The following GPHN variants were observed in gnomAD, a reference collection of about 807,000 sequenced individuals.
GPHN encodes gephyrin.
In GPHN, 17 loss-of-function variants were observed where a neutral mutation model predicts 95.5. The observed-to-expected ratio is 0.18, with a 90% CI of 0.12 to 0.27. The LOEUF is 0.27. Among genes scored for constraint, GPHN ranks in the 10% least tolerant of loss-of-function variants. The pLI, the probability that GPHN is intolerant of heterozygous loss-of-function variation, is 1.00. For missense variants in GPHN, 660 were observed against 978.1 expected (o/e 0.67, Z 4.34); for synonymous variants, 320 against 322.5 (o/e 0.99, Z 0.08).
chr14:67,631,430 C>CTTTTTTTTTTTTTT, the GPHN span, among the ~76,000 whole-genome samples: 1 of 128,490 alleles, frequency 7.8e-6, no homozygotes, highest in Non-Finnish European at 1.6e-5. Flanking sequence ...TCCTTTCTTT[C>CTTTTTTTTTTTTTT]TTTCTTTTTT....
chr14:67,725,745 T>C, the GPHN span, among the ~76,000 whole-genome samples: 2 of 152,202 alleles, frequency 1.3e-5, no homozygotes, highest in Non-Finnish European at 2.9e-5. Context: ...CGGTAGTTAG[T>C]ACACATTTGC....
chr14:67,163,911 C>A (rs2082109860), intron 19 of GPHN, among the ~76,000 whole-genome samples: 1 of 152,008 alleles, frequency 6.6e-6, no homozygotes, highest in Non-Finnish European at 1.5e-5. Context: ...TTCCACCCCA[C>A]CTCCTATGAT....
intron 2 of GPHN, among the ~76,000 whole-genome samples, chr14:66,716,459 T>C (rs1014145284): frequency 6.6e-6 from 1 of 152,268 alleles, no homozygotes; most frequent in Non-Finnish European, 1.5e-5. Context: ...CAGTTCTTTC[T>C]GTCTTTCAGA....
chr14:66,718,818 C>G (rs1161366368), intron 2 of GPHN, among the ~76,000 whole-genome samples: 2 of 152,144 alleles, frequency 1.3e-5, no homozygotes, highest in Non-Finnish European at 2.9e-5. Flanking sequence ...CTCAGAAGGA[C>G]CATCAGGTGG....
At chr14:67,599,946 C>T in the GPHN span, 2 of 1,258,378 alleles carry the variant, frequency 1.6e-6, no homozygotes, top group East Asian at 5.8e-5. Flanking sequence ...GAGGTCCGGG[C>T]TCGACCAAAG....
the GPHN span, chr14:67,586,097 G>C: frequency 1.2e-6 from 2 of 1,613,852 alleles, no homozygotes; most frequent in Non-Finnish European, 1.7e-6. Flanking sequence ...CTGCTCCCAA[G>C]GTAGGTCTGA....
At chr14:67,342,369 A>C in the GPHN span, among the ~76,000 whole-genome samples, 1 of 151,856 alleles carries the variant, frequency 6.6e-6, no homozygotes, top group Non-Finnish European at 1.5e-5. Flanking sequence ...ACAACACTGA[A>C]TGTGCTGAAT....
chr14:66,931,441 A>T (rs2066792994), intron 8 of GPHN, among the ~76,000 whole-genome samples: 1 of 151,736 alleles, frequency 6.6e-6, no homozygotes, highest in East Asian at 1.9e-4. Flanking sequence ...TAACCTTTCT[A>T]CCCTGATCTC....
chr14:66,968,092 C>A (rs2069475762), intron 9 of GPHN, among the ~76,000 whole-genome samples: 2 of 151,716 alleles, frequency 1.3e-5, no homozygotes, highest in Admixed American at 1.3e-4. Flanking sequence ...AGTCAAATAT[C>A]AAGACCATAG....
the GPHN span, among the ~76,000 whole-genome samples, chr14:67,366,157 G>A: frequency 6.6e-6 from 1 of 150,456 alleles, no homozygotes; most frequent in African/African-American, 2.5e-5. Flanking sequence ...ATCATAGGTC[G>A]CTGCAGCCTT....
At chr14:66,904,142 C>A (rs1245492193) in intron 5 of GPHN, among the ~76,000 whole-genome samples, 1 of 152,104 alleles carries the variant, frequency 6.6e-6, no homozygotes, top group Non-Finnish European at 1.5e-5. Context: ...AAGAATGAAG[C>A]CGCGGACCTT....
chr14:66,532,501 C>T (rs564227749), intron 1 of GPHN, among the ~76,000 whole-genome samples: 20 of 152,304 alleles, frequency 1.3e-4, no homozygotes, highest in Admixed American at 1.2e-3. Context: ...GTCACAGGCT[C>T]AGCCCAGAGT....
the GPHN span, among the ~76,000 whole-genome samples, chr14:67,601,147 A>AG: frequency 7.8e-4 from 119 of 152,324 alleles, no homozygotes; most frequent in African/African-American, 2.7e-3. Context: ...GACTTTACAT[A>AG]GGGCAGTCAG....
At chr14:67,620,765 A>G in the GPHN span, 2 of 815,190 alleles carry the variant, frequency 2.5e-6, no homozygotes, top group Non-Finnish European at 4.0e-6. Flanking sequence ...AGTTGGAAGG[A>G]CAGTCATTGA....
At chr14:66,945,422 A>T (rs1173623240) in intron 8 of GPHN, among the ~76,000 whole-genome samples, 6 of 152,160 alleles carry the variant, frequency 3.9e-5, no homozygotes, top group Non-Finnish European at 7.4e-5. Context: ...ATCTATCAGT[A>T]TGAGGATACA....
At chr14:66,693,377 A>C (rs2067909012) in intron 2 of GPHN, among the ~76,000 whole-genome samples, 1 of 152,206 alleles carries the variant, frequency 6.6e-6, no homozygotes, top group Non-Finnish European at 1.5e-5. Flanking sequence ...CTTAAAGGTA[A>C]GTGTAGTAGT....
chr14:66,916,036 A>C lies in GPHN; in HGVS notation c.423A>C (p.Ile141=). The C allele has an allele frequency of 6.2e-7, 1 of 1,603,666 alleles. No homozygotes were observed. The change falls in exon 6 of 23, where the codon ATA becomes ATC. Residue 141 remains isoleucine (I), a synonymous_variant. Coordinates refer to ENST00000478722, the MANE Select transcript of GPHN (RefSeq NM_020806.5). ...GTGGAATCAGAGGGAAAACGCTCAT[A>C]ATTAACCTGCCAGGTAGCAAGAAAG... The part of the protein sequence containing the change: ...PVCGIRGKTL[I]INLPGSKKGS...
At chr14:67,580,472 CTTGTCT>C in the GPHN span, among the ~76,000 whole-genome samples, 1 of 152,252 alleles carries the variant, frequency 6.6e-6, no homozygotes, top group Non-Finnish European at 1.5e-5. Context: ...CCAGTGTTTG[CTTGTCT>C]TTAACAGGAC....
chr14:67,046,229 T>A (rs2075008266), intron 10 of GPHN, among the ~76,000 whole-genome samples: 1 of 152,182 alleles, frequency 6.6e-6, no homozygotes, highest in Non-Finnish European at 1.5e-5. Flanking sequence ...AAGGGAGCTC[T>A]TCAATCTTGT....
Sources: allele counts gnomAD v4.1 joint callset (sites outside exome capture counted in the v4.1 genomes callset), GRCh38; gene constraint gnomAD v4.1.1; transcripts MANE v1.5; gene names NCBI Gene and HGNC (gene_info 2026-07-23, HGNC 2026-07-21).